Variants in CFAP20DC observed in about 807,000 individuals in gnomAD.
CFAP20DC encodes CFAP20 domain containing.
In CFAP20DC, 84 loss-of-function variants were observed where a neutral mutation model predicts 101.7. That is an observed-to-expected ratio of 0.83 (90% CI 0.69 to 0.99). The LOEUF (loss-of-function observed/expected upper bound fraction) is 0.99. CFAP20DC is among the 50% of genes least tolerant of loss of function. The pLI is 0.00. For missense variants in CFAP20DC, 1,007 were observed against 970.3 expected (o/e 1.04, Z -0.50); for synonymous variants, 359 against 351.2 (o/e 1.02, Z -0.25).
At chr3:58,934,949 G>A (rs1466625755) in intron 5 of CFAP20DC, among the ~76,000 whole-genome samples, 5 of 152,038 alleles carry the variant, frequency 3.3e-5, no homozygotes, top group South Asian at 2.1e-4. Context: ...AAGGAAATAA[G>A]GGGTATTCCA....
At chr3:58,768,135 G>A (rs1330090781) in intron 15 of CFAP20DC, among the ~76,000 whole-genome samples, 4 of 152,060 alleles carry the variant, frequency 2.6e-5, no homozygotes, top group Admixed American at 1.3e-4. Flanking sequence ...GGAGCAGATT[G>A]GTCCAGAGGT....
In CFAP20DC at chr3:58,742,543, C is replaced by T. The variant is rs139831294; in HGVS notation, c.2362G>A (p.Glu788Lys). The T allele has an allele frequency of 1.5e-4, 245 of 1,606,860 alleles. No individual in the cohort carries two copies. The African/African-American group carries it at 3.0e-3, about 20-fold the overall frequency. ...GEEDLSVEED[E>K]EVLTLLYDPC... The stretch of plus-strand genomic sequence containing the variant: ...TCATACAACAAAGTCAGTACTTCCT[C>T]GTCCTCTTCCACACTGAGGTCTTCT... Residue 788 changes from glutamate (E) to lysine (K), a missense_variant, in exon 17 of 17, where the codon GAG becomes AAG. Glu to Lys is a moderately conservative substitution (Grantham distance 56, BLOSUM62 1). Transcript: ENST00000482387.
rs193136004 is a variant in CFAP20DC at position 59,008,021 on chromosome 3, C to G, written c.278+31536G>C. ...AGGCATTAGAGAAAGGGTCCTTGTT[C>G]CCCCCAGCACTCCATTGCAGACACA... On this transcript the variant is annotated intron_variant, in intron 4 of 16. Coordinates refer to ENST00000482387, the MANE Select transcript of CFAP20DC (RefSeq NM_001394063.1). Among the ~76,000 whole-genome samples the G allele has an allele frequency of 5.3e-5, 8 of 151,988 alleles. No homozygotes were observed. The East Asian group carries it at 1.5e-3, about 29-fold the overall frequency.
At chr3:58,862,818 T>C (rs959251141) in intron 12 of CFAP20DC, 2 of 985,104 alleles carry the variant, frequency 2.0e-6, no homozygotes, top group Non-Finnish European at 2.4e-6. Flanking sequence ...AAAGTATGAA[T>C]GACCATCGTT....
chr3:58,898,050 C>T (rs1474360920), intron 6 of CFAP20DC, among the ~76,000 whole-genome samples: 1 of 152,122 alleles, frequency 6.6e-6, no homozygotes, highest in Non-Finnish European at 1.5e-5. Context: ...CCATAATCCC[C>T]ATATTTCTTG....
intron 14 of CFAP20DC, among the ~76,000 whole-genome samples, chr3:58,809,516 C>T (rs2074419704): frequency 6.6e-6 from 1 of 151,898 alleles, no homozygotes. Context: ...AGAACAAAGA[C>T]ATAACATACC....
At chr3:58,760,080 T>C (rs570047218) in intron 15 of CFAP20DC, among the ~76,000 whole-genome samples, 263 of 152,320 alleles carry the variant, frequency 1.7e-3, no homozygotes, top group Non-Finnish European at 2.4e-3. Context: ...AGAAAGTCAT[T>C]GGTAGCTTGA....
At chr3:58,911,171 C>T (rs2084112186) in intron 6 of CFAP20DC, among the ~76,000 whole-genome samples, 1 of 151,946 alleles carries the variant, frequency 6.6e-6, no homozygotes, top group African/African-American at 2.4e-5. Context: ...ATGAATGCCC[C>T]AAGAGAAGTA....
intron 3 of CFAP20DC, among the ~76,000 whole-genome samples, chr3:59,045,697 T>C (rs1699798659): frequency 6.6e-6 from 1 of 152,138 alleles, no homozygotes; most frequent in Admixed American, 6.5e-5. Flanking sequence ...ATATATACTT[T>C]ATGATTAATA....
intron 14 of CFAP20DC, among the ~76,000 whole-genome samples, chr3:58,822,123 T>A (rs1340248619): frequency 2.3e-4 from 24 of 103,954 alleles, no homozygotes; most frequent in African/African-American, 9.3e-4. Context: ...GGAAGGGGAA[T>A]ATCATACTCT....
intron 4 of CFAP20DC, among the ~76,000 whole-genome samples, chr3:59,034,092 A>G (rs552015421): frequency 3.3e-5 from 5 of 152,346 alleles, no homozygotes; most frequent in African/African-American, 1.2e-4. Context: ...ATCCAGTCAA[A>G]CTAAGCTTCA....
intron 4 of CFAP20DC, among the ~76,000 whole-genome samples, chr3:58,997,770 C>T (rs1411202993): frequency 6.6e-6 from 1 of 152,122 alleles, no homozygotes; most frequent in Non-Finnish European, 1.5e-5. Context: ...TGTAAATGCC[C>T]ACATGTCTTA....
chr3:58,966,312 C>T (rs776959730), intron 4 of CFAP20DC, among the ~76,000 whole-genome samples: 44 of 152,144 alleles, frequency 2.9e-4, no homozygotes, highest in Non-Finnish European at 6.0e-4. Context: ...CCACTATGTC[C>T]TTATTTGACC....
chr3:58,954,153 A>G lies in CFAP20DC; in HGVS notation c.279-16391T>C, dbSNP rs1351497381. On this transcript the variant is annotated intron_variant, in intron 4 of 16. Coordinates refer to ENST00000482387, the MANE Select transcript of CFAP20DC (RefSeq NM_001394063.1). ...AAATTACTTTTCAATTCAATTTTCA[A>G]TTTGCTTTTAGAGCTTCATCTTTGA... 8.5e-5 allele frequency among the ~76,000 whole-genome samples: 13 copies of G among 152,308 alleles called. No individual in the cohort carries two copies. The East Asian group carries it at 1.3e-3, about 16-fold the overall frequency.
chr3:58,758,702 A>T (rs934500967), intron 15 of CFAP20DC, among the ~76,000 whole-genome samples: 2 of 151,868 alleles, frequency 1.3e-5, no homozygotes, highest in African/African-American at 2.4e-5. Flanking sequence ...CCTCACCCAC[A>T]ACAGGCCCCA....
rs558069152 is a variant in CFAP20DC at position 58,764,129 on chromosome 3, C to A, written c.2238-10266G>T. On this transcript the variant is annotated intron_variant, in intron 15 of 16. Coordinates refer to ENST00000482387, the MANE Select transcript of CFAP20DC (RefSeq NM_001394063.1). ...TTTTGTTTGGCTATGCCCTGCCCCC[C>A]AGAGGTGGAGTCTACAGAGACAGGC... is the stretch of plus-strand genomic sequence containing the variant. Among the ~76,000 whole-genome samples, 685 of 152,282 alleles carry A rather than the reference C, an allele frequency of 4.5e-3. 5 individuals carry two copies. Among genetic ancestry groups the A allele is most frequent in the African/African-American group, 0.016 (648 of 41,562 alleles).
At chr3:59,004,922 CT>C (rs2093401121) in intron 4 of CFAP20DC, among the ~76,000 whole-genome samples, 1 of 152,160 alleles carries the variant, frequency 6.6e-6, no homozygotes, top group Non-Finnish European at 1.5e-5. Flanking sequence ...AATGAGATTC[CT>C]AACTACCTAT....
At chr3:58,885,335 A>G (rs1448466215) in intron 6 of CFAP20DC, among the ~76,000 whole-genome samples, 2 of 152,054 alleles carry the variant, frequency 1.3e-5, no homozygotes, top group African/African-American at 4.8e-5. Context: ...TGGATATATT[A>G]ATTGTCTCTT....
intron 4 of CFAP20DC, among the ~76,000 whole-genome samples, chr3:59,019,896 TCACTGTCTCACAG>T: frequency 6.6e-6 from 1 of 152,050 alleles, no homozygotes; most frequent in Non-Finnish European, 1.5e-5. Context: ...TTTTTCACTC[TCACTGTCTCACAG>T]CATATAGTAG....
Sources: gnomAD v4.1 joint callset for allele counts (sites outside exome capture counted in the v4.1 genomes callset) on GRCh38, gnomAD v4.1.1 for gene constraint, MANE v1.5 for transcripts, NCBI Gene and HGNC (gene_info 2026-07-23, HGNC 2026-07-21) for gene names.